The following TET1 variants were observed in gnomAD, a reference collection of about 807,000 sequenced individuals.
TET1 encodes the protein tet methylcytosine dioxygenase 1.
A neutral mutation model predicts 148.7 loss-of-function variants in TET1; 13 were observed. The ratio of observed to expected loss-of-function variants is 0.09; its 90% CI spans 0.06 to 0.14. TET1 has a LOEUF of 0.14. Among genes scored for constraint, TET1 ranks in the 10% least tolerant of loss-of-function variants. TET1 has a pLI of 1.00. For missense variants in TET1, 2,182 were observed against 2,553.8 expected (o/e 0.85, Z 3.14); for synonymous variants, 907 against 937.2 (o/e 0.97, Z 0.59).
At chr10:68,630,722 T>C (rs974337447) in intron 3 of TET1, among the ~76,000 whole-genome samples, 3 of 152,016 alleles carry the variant, frequency 2.0e-5, no homozygotes, top group Non-Finnish European at 4.4e-5. Context: ...AGCAAATAAG[T>C]GTAGGTTGAT....
intron 1 of TET1, among the ~76,000 whole-genome samples, chr10:68,568,850 C>CA (rs1263061885): frequency 4.7e-5 from 7 of 147,588 alleles, no homozygotes; most frequent in East Asian, 2.0e-4. Context: ...GACCCTGTCT[C>CA]AAAAAAAAAG....
chr10:68,677,905 C>T (rs183461003), intron 8 of TET1, among the ~76,000 whole-genome samples: 1 of 152,320 alleles, frequency 6.6e-6, no homozygotes. Flanking sequence ...CAGGCATGAG[C>T]CACAATTGCA....
chr10:68,664,719 T>C (rs1564500228), intron 6 of TET1, among the ~76,000 whole-genome samples: 1 of 141,890 alleles, frequency 7.0e-6, no homozygotes, highest in African/African-American at 2.6e-5. Context: ...CTGAAGTTCA[T>C]GATGATAGCC....
intron 4 of TET1, among the ~76,000 whole-genome samples, chr10:68,648,083 A>C (rs1442851600): frequency 1.3e-5 from 2 of 152,248 alleles, no homozygotes; most frequent in African/African-American, 4.8e-5. Context: ...GTGTGCTAAC[A>C]TGAGTCATGT....
chr10:68,684,452 A>G (rs180692443), intron 10 of TET1, among the ~76,000 whole-genome samples: 156 of 151,506 alleles, frequency 1.0e-3, no homozygotes, highest in Non-Finnish European at 1.8e-3. Context: ...GTTATTTCTA[A>G]GTGTTGAAGT....
rs1035963334 is a variant in TET1 at position 68,692,982 on chromosome 10, C to G, written c.*1168C>G. The G allele has an allele frequency of 1.3e-5, 3 of 229,980 alleles. No individual in the cohort carries two copies. Among genetic ancestry groups the G allele is most frequent in the Non-Finnish European group, 2.6e-5 (3 of 116,874 alleles). The allele number at this position is 229,980 out of a possible 1,614,324, so 14.2% of individuals were successfully genotyped here. On this transcript the variant is annotated 3_prime_UTR_variant, in exon 12 of 12. Coordinates refer to ENST00000373644, the MANE Select transcript of TET1 (RefSeq NM_030625.3). The stretch of plus-strand genomic sequence containing the variant: ...GTTGAAATATTTTGAAAACAAATTC[C>G]CTACTATCATCACATGCCTCCCCAA...
chr10:68,668,398 G>C (rs745564283), intron 7 of TET1, among the ~76,000 whole-genome samples: 4 of 152,140 alleles, frequency 2.6e-5, no homozygotes, highest in Non-Finnish European at 4.4e-5. Context: ...TAGCAATATT[G>C]AGCGATATTC....
At position 68,645,341 on chromosome 10, in the gene TET1, C is replaced by T; in HGVS notation, c.2612C>T (p.Ser871Phe). The change falls in exon 4 of 12, where the codon TCT becomes TTT. Residue 871 changes from serine to phenylalanine, a missense_variant. Transcript: ENST00000373644. ...CCAAGTAAAGAACCAAAAGATGGAT[C>T]TCCCGTTCAACCAAGTCTCTTATCG... ...NIPSKEPKDG[S>F]PVQPSLLSLM... 5.0e-6 allele frequency: 8 copies of T among 1,614,120 alleles called. No individual in the cohort carries two copies. Among genetic ancestry groups the T allele is most frequent in the Non-Finnish European group, 6.8e-6 (8 of 1,180,034 alleles).
Position 68,589,399 on chromosome 10 carries a change from T to C in TET1, c.1915-11582T>C, listed in dbSNP as rs145464940. ...ATGCAATTAGCATGGAGCTAGCCTA[T>C]CCCAATACTAGTAGCAAACTTGTTT... On this transcript the variant is annotated intron_variant, in intron 2 of 11. Transcript: ENST00000373644. Among the ~76,000 whole-genome samples the C allele has an allele frequency of 4.6e-4, 70 of 152,294 alleles. 2 individuals are homozygous for C. The East Asian group carries it at 0.013, about 28-fold the overall frequency.
At chr10:68,600,216 G>A (rs567246741) in intron 2 of TET1, among the ~76,000 whole-genome samples, 60 of 152,140 alleles carry the variant, frequency 3.9e-4, no homozygotes, top group African/African-American at 1.4e-3. Flanking sequence ...TGCCCCCCTA[G>A]GCTCAGTTAT....
chr10:68,666,960 T>G (rs867881421), intron 6 of TET1, 85 bp from the exon 7 acceptor site: 61 of 1,148,794 alleles, frequency 5.3e-5, no homozygotes, highest in Admixed American at 3.3e-4. Context: ...TAAAATATAA[T>G]CATGGAGAAC....
chr10:68,622,450 T>G (rs1237516266), intron 3 of TET1, among the ~76,000 whole-genome samples: 2 of 152,050 alleles, frequency 1.3e-5, no homozygotes, highest in African/African-American at 2.4e-5. Context: ...TTTTTTTTAG[T>G]AGAGACGGTT....
In TET1 at chr10:68,667,257, GTAAT is replaced by G; in HGVS notation, c.4673+5_4673+8del. Reference sequence around the variant, plus strand: ...ACAGAAGATGCACCCTCAATGAAAAGTAATTAAATCTGTTTTATACTGCCTTACC... The same window carrying G: ...ACAGAAGATGCACCCTCAATGAAAAGTAAATCTGTTTTATACTGCCTTACC... On this transcript the variant is annotated splice_donor_variant and splice_donor_5th_base_variant and intron_variant, in intron 7 of 11. Coordinates refer to ENST00000373644, the MANE Select transcript of TET1 (RefSeq NM_030625.3). LOFTEE classifies it high-confidence loss of function. The G allele has an allele frequency of 6.2e-7, 1 of 1,609,056 alleles. No homozygotes were observed. The highest frequency in any genetic ancestry group is 2.2e-5 in the East Asian group (1 of 44,764).
intron 4 of TET1, among the ~76,000 whole-genome samples, chr10:68,648,043 T>A (rs1158564511): frequency 6.6e-6 from 1 of 152,228 alleles, no homozygotes; most frequent in Non-Finnish European, 1.5e-5. Context: ...TAATCCTGAT[T>A]TCCTATTTCA....
In TET1 at chr10:68,691,226, C is replaced by T. The variant is rs2055588303; in HGVS notation, c.5823C>T (p.His1941=). ...TEPLTPHQPN[H]QPSFLTSPQD... is the part of the protein sequence containing the mutation. Reference sequence around the variant, plus strand: ...CGCTAACGCCTCATCAGCCAAACCACCAGCCCTCCTTCCTCACCTCTCCTC... The same window carrying T: ...CGCTAACGCCTCATCAGCCAAACCATCAGCCCTCCTTCCTCACCTCTCCTC... The change falls in exon 12 of 12, where the codon CAC becomes CAT. Residue 1941 remains histidine, a synonymous_variant. Coordinates refer to ENST00000373644, the MANE Select transcript of TET1 (RefSeq NM_030625.3). The surrounding 1 kb of genome is among the most constrained non-coding windows in gnomAD (Gnocchi z 4.4). The T allele has an allele frequency of 6.2e-7, 1 of 1,614,168 alleles. No homozygotes were observed. Among genetic ancestry groups the T allele is most frequent in the Non-Finnish European group, 8.5e-7 (1 of 1,180,036 alleles).
chr10:68,665,482 T>G (rs891107015), intron 6 of TET1, among the ~76,000 whole-genome samples: 7 of 152,168 alleles, frequency 4.6e-5, no homozygotes, highest in African/African-American at 1.4e-4. Flanking sequence ...GATTTAATAT[T>G]TAAGCAGTTT....
chr10:68,607,426 T>G (rs1212934516), intron 3 of TET1, among the ~76,000 whole-genome samples: 8 of 151,986 alleles, frequency 5.3e-5, no homozygotes, highest in Non-Finnish European at 1.0e-4. Flanking sequence ...TTTTTGTTTT[T>G]TTTGTTTGTT....
At chr10:68,594,653 CA>C (rs2053957377) in intron 2 of TET1, among the ~76,000 whole-genome samples, 1 of 152,082 alleles carries the variant, frequency 6.6e-6, no homozygotes, top group Non-Finnish European at 1.5e-5. Flanking sequence ...TCCTATGTGT[CA>C]CAGGAAATAA....
intron 1 of TET1, among the ~76,000 whole-genome samples, chr10:68,564,916 C>G (rs2664437): frequency 0.99 from 150,413 of 152,286 alleles, 74,311 homozygotes; most frequent in Middle Eastern, 1. Flanking sequence ...CCCGCTACCG[C>G]GGTGGCTGAG....
Sources: gnomAD v4.1 joint callset for allele counts (sites outside exome capture counted in the v4.1 genomes callset) on GRCh38, gnomAD v4.1.1 for gene constraint, Gnocchi (gnomAD v3.1) non-coding constraint, MANE v1.5 for transcripts, NCBI Gene and HGNC (gene_info 2026-07-23, HGNC 2026-07-21) for gene names.